The following SLTM variants were observed in gnomAD, a reference collection of about 807,000 sequenced individuals.
SLTM encodes the protein SAFB-like transcription modulator.
Under a neutral mutation model 134.6 loss-of-function variants are expected in SLTM, and 43 were observed. The ratio of observed to expected loss-of-function variants is 0.32; its 90% CI spans 0.25 to 0.41. The LOEUF is 0.41. SLTM is among the 10% of genes least tolerant of loss of function. The pLI is 1.00. For missense variants in SLTM, 1,055 were observed against 1,288.8 expected (o/e 0.82, Z 2.78); for synonymous variants, 424 against 432.3 (o/e 0.98, Z 0.24).
At chr15:58,917,098 A>T in intron 2 of SLTM, 99 bp from the exon 3 acceptor site, 1 of 1,073,796 alleles carries the variant, frequency 9.3e-7, no homozygotes, top group Non-Finnish European at 1.4e-6. Context: ...CCACTCCCAA[A>T]CTATCTGACA....
rs367781434 is a variant in SLTM, at chr15:58,907,216, T to A, written c.561+5347A>T. On this transcript the variant is annotated intron_variant, in intron 5 of 20. Coordinates refer to ENST00000380516, the MANE Select transcript of SLTM (RefSeq NM_024755.4). ...ATACAGATTTTTATATAACAAAAAG[T>A]AAGATTTTTCATGTTAGTGAAACAT... 1.1e-4 allele frequency among the ~76,000 whole-genome samples: 17 copies of A among 152,170 alleles called. 1 individual carries two copies. The East Asian group carries it at 2.9e-3, about 26-fold the overall frequency.
chr15:58,912,763 TA>T (rs1313735338), intron 4 of SLTM, 153 bp from the exon 5 acceptor site: 6 of 592,434 alleles, frequency 1.0e-5, no homozygotes, highest in African/African-American at 9.4e-5. Context: ...ATTCAGACTA[TA>T]TTTTTTATGC....
intron 20 of SLTM, among the ~76,000 whole-genome samples, chr15:58,881,781 G>A (rs1344950174): frequency 1.3e-5 from 2 of 152,126 alleles, no homozygotes; most frequent in Non-Finnish European, 2.9e-5. Flanking sequence ...TCTTTTTGTA[G>A]AGACAGGGTT....
chr15:58,902,226 G>A (rs1014765278), intron 5 of SLTM, among the ~76,000 whole-genome samples: 9 of 151,978 alleles, frequency 5.9e-5, no homozygotes, highest in Non-Finnish European at 1.3e-4. Context: ...CTCAATAACT[G>A]AAAAAATTAA....
At chr15:58,897,313 A>G in intron 8 of SLTM, 80 bp from the exon 9 acceptor site, 2 of 792,768 alleles carry the variant, frequency 2.5e-6, no homozygotes, top group Non-Finnish European at 4.2e-6. Flanking sequence ...CATTCTTTCA[A>G]AACTATAATT....
chr15:58,923,186 C>T (rs1383304287), intron 2 of SLTM, among the ~76,000 whole-genome samples: 1 of 151,828 alleles, frequency 6.6e-6, no homozygotes, highest in African/African-American at 2.4e-5. Context: ...GGTGGAGCCC[C>T]GTATCTACAA....
chr15:58,917,289 C>G (rs572419482), intron 2 of SLTM, among the ~76,000 whole-genome samples: 2 of 152,118 alleles, frequency 1.3e-5, no homozygotes, highest in Non-Finnish European at 2.9e-5. Context: ...ATTTTCTATC[C>G]TCAGTTATCT....
chr15:58,894,353 C>T, intron 10 of SLTM, 80 bp downstream of exon 10: 1 of 1,525,490 alleles, frequency 6.6e-7, no homozygotes. Context: ...AAATTCTACT[C>T]CCTGCTACTG....
chr15:58,897,753 A>C (rs1312649459), intron 8 of SLTM, among the ~76,000 whole-genome samples: 2 of 152,150 alleles, frequency 1.3e-5, no homozygotes. Context: ...AATTATATGC[A>C]GCTGGATAAC....
intron 8 of SLTM, among the ~76,000 whole-genome samples, chr15:58,897,717 T>C (rs2035194183): frequency 6.6e-6 from 1 of 152,102 alleles, no homozygotes; most frequent in African/African-American, 2.4e-5. Flanking sequence ...TCATTCCATA[T>C]TAGAGAATAA....
chr15:58,895,056 C>T (rs748007586), intron 9 of SLTM, among the ~76,000 whole-genome samples: 10 of 152,130 alleles, frequency 6.6e-5, no homozygotes, highest in Non-Finnish European at 1.3e-4. Context: ...AGTAAATATT[C>T]AGGGGAACAA....
chr15:58,894,987 G>C (rs1287469897), intron 9 of SLTM, among the ~76,000 whole-genome samples: 2 of 152,190 alleles, frequency 1.3e-5, no homozygotes, highest in Non-Finnish European at 2.9e-5. Flanking sequence ...TTACAAGCAT[G>C]AGCCACTGCA....
chr15:58,886,107 A>C (rs1395733397), intron 19 of SLTM, among the ~76,000 whole-genome samples: 9 of 152,214 alleles, frequency 5.9e-5, no homozygotes, highest in African/African-American at 2.2e-4. Flanking sequence ...AAATTTAAAA[A>C]TATGTAACAT....
chr15:58,918,665 A>G (rs147372631), intron 2 of SLTM, among the ~76,000 whole-genome samples: 1 of 152,312 alleles, frequency 6.6e-6, no homozygotes, highest in African/African-American at 2.4e-5. Context: ...TGGGGAAAAC[A>G]TAACTTTTTG....
chr15:58,915,721 G>A (rs1268988586), intron 3 of SLTM, among the ~76,000 whole-genome samples: 1 of 152,076 alleles, frequency 6.6e-6, no homozygotes, highest in Non-Finnish European at 1.5e-5. Flanking sequence ...GTGTGTGTGT[G>A]TGCAGCGTGG....
Position 58,933,507 on chromosome 15 carries a change from T to C in SLTM, c.59A>G (p.Lys20Arg). The change falls in exon 1 of 21, where the codon AAA becomes AGA. Residue 20 changes from lysine to arginine, a missense_variant. By Grantham distance (26) the Lys-to-Arg change is conservative. Coordinates refer to ENST00000380516, the MANE Select transcript of SLTM (RefSeq NM_024755.4). ...ASAASGQAEG[K>R]KITDLRVIDL... ...GATGACCCGCAGATCGGTGATCTTTTTACCTTCCGCCTGACCCGAGGCGGC... is the reference window on the plus strand; with the variant it reads ...GATGACCCGCAGATCGGTGATCTTTCTACCTTCCGCCTGACCCGAGGCGGC... The C allele has an allele frequency of 2.5e-6, 4 of 1,599,572 alleles. No individual in the cohort carries two copies. Among genetic ancestry groups the C allele is most frequent in the Non-Finnish European group, 3.4e-6 (4 of 1,173,792 alleles).
At position 58,887,006 on chromosome 15, in the gene SLTM, C is replaced by A; in HGVS notation, c.2804G>T (p.Gly935Val). The change falls in exon 19 of 21, where the codon GGA (glycine) becomes GTA (valine). Residue 935 changes from glycine (G) to valine (V), a missense_variant. Physicochemically the swap from Gly to Val is moderately radical, Grantham distance 109. Transcript: ENST00000380516. ...TCCACCTCCTCGGTCTGTGATGACT[C>A]CTCTGTCTCCCTCTCTGCTCCCGTA... ...SGYGSREGDR[G>V]VITDRGGGSQ... The A allele has an allele frequency of 1.9e-6, 3 of 1,612,810 alleles. No individual in the cohort carries two copies. Among genetic ancestry groups the A allele is most frequent in the Non-Finnish European group, 2.5e-6 (3 of 1,180,028 alleles).
intron 2 of SLTM, among the ~76,000 whole-genome samples, chr15:58,918,470 G>T (rs1317945093): frequency 2.6e-5 from 4 of 152,068 alleles, no homozygotes; most frequent in Non-Finnish European, 5.9e-5. Context: ...AGTCATTTCC[G>T]CAAATGAGTG....
intron 9 of SLTM, 50 bp from the exon 10 acceptor site, chr15:58,894,632 C>T (rs2034928692): frequency 1.3e-6 from 2 of 1,551,552 alleles, no homozygotes; most frequent in East Asian, 2.3e-5. Context: ...TCCAAGTACA[C>T]AGACTTCTAA....
Sources: allele counts gnomAD v4.1 joint callset (sites outside exome capture counted in the v4.1 genomes callset), GRCh38; gene constraint gnomAD v4.1.1; transcripts MANE v1.5; gene names NCBI Gene and HGNC (gene_info 2026-07-23, HGNC 2026-07-21).